The following MEGF6 variants were observed in gnomAD, a reference collection of about 807,000 sequenced individuals.
MEGF6 encodes the protein multiple epidermal growth factor-like domains protein 6.
In MEGF6, 184 loss-of-function variants were observed where a neutral mutation model predicts 207.1. The observed-to-expected ratio is 0.89, with a 90% CI of 0.79 to 1.00. The LOEUF (loss-of-function observed/expected upper bound fraction) is 1.00, where lower values mean the gene tolerates loss of function less well. MEGF6 is among the 50% of genes least tolerant of loss of function. The pLI, the probability that MEGF6 is intolerant of heterozygous loss-of-function variation, is 0.00. For synonymous variants in MEGF6, 1,038 were observed against 910.0 expected, an observed-to-expected ratio of 1.14 and a Z score of -2.53; for missense variants, 2,282 against 2,202.9, an observed-to-expected ratio of 1.04 and a Z score of -0.72.
intron 1 of MEGF6, among the ~76,000 whole-genome samples, chr1:3,603,467 A>C (rs982968566): frequency 6.6e-6 from 1 of 152,046 alleles, no homozygotes; most frequent in Non-Finnish European, 1.5e-5. Flanking sequence ...CTCGTGTCCC[A>C]CTACGTCAGG....
chr1:3,531,338 G>A (rs1230286356), intron 4 of MEGF6: 41 of 1,209,908 alleles, frequency 3.4e-5, no homozygotes, highest in Non-Finnish European at 4.1e-5. Flanking sequence ...GCTCGGGCTG[G>A]TTCTGGGTTC....
intron 5 of MEGF6, among the ~76,000 whole-genome samples, chr1:3,519,474 G>A (rs765913219): frequency 1.3e-5 from 2 of 152,240 alleles, no homozygotes; most frequent in African/African-American, 2.4e-5. Flanking sequence ...CGCCACACGC[G>A]CCTACTCGCT....
chr1:3,535,424 G>GAGGCTGCCCCTCTCCAGA (rs575545344), intron 4 of MEGF6, among the ~76,000 whole-genome samples: 2 of 152,102 alleles, frequency 1.3e-5, no homozygotes, highest in African/African-American at 2.4e-5. Flanking sequence ...AGGCAGCAGG[G>GAGGCTGCCCCTCTCCAGA]AGGCTGCCCC....
intron 10 of MEGF6, among the ~76,000 whole-genome samples, chr1:3,510,232 C>T (rs2821001): frequency 0.07 from 10,653 of 152,168 alleles, 549 homozygotes; most frequent in Admixed American, 0.13. Context: ...TGGGAGGGGC[C>T]GGCCAGGCAG....
chr1:3,578,685 A>G (rs1028419816), intron 4 of MEGF6, among the ~76,000 whole-genome samples: 1 of 150,710 alleles, frequency 6.6e-6, no homozygotes, highest in Non-Finnish European at 1.5e-5. Context: ...AGGACATTCA[A>G]TAAACCCTCC....
rs1233544619 is a variant in MEGF6, at chr1:3,502,170, G to A, written c.2189-249C>T. Reference sequence around the variant, plus strand: ...CACCTGGGGTCCCCAGAGTGGCCAGGCAGGTCACAGGAACAGGCAAGGGAG... The same window carrying A: ...CACCTGGGGTCCCCAGAGTGGCCAGACAGGTCACAGGAACAGGCAAGGGAG... On this transcript the variant is annotated intron_variant, in intron 17 of 36. Transcript: ENST00000356575. Among the ~76,000 whole-genome samples the A allele has an allele frequency of 5.5e-5, 4 of 72,614 alleles. No homozygotes were observed. The Admixed American group carries it at 6.4e-4, about 12-fold the overall frequency. 47.6% of individuals were successfully genotyped at this position (72,614 alleles called of 152,430 possible).
intron 4 of MEGF6, among the ~76,000 whole-genome samples, chr1:3,562,020 G>A (rs1643216678): frequency 6.6e-6 from 1 of 152,238 alleles, no homozygotes; most frequent in Non-Finnish European, 1.5e-5. Flanking sequence ...CGGTGCTGGT[G>A]GGAGGCCAGC....
rs1349759616 is a variant in MEGF6, at chr1:3,593,804, C to T, written c.376+1534G>A. Reference sequence around the variant, plus strand: ...CATCAGCAACAGTGGGGGCTGGGACCCCCTCCGAGGGGCGGCTGGCCAGCA... The same window carrying T: ...CATCAGCAACAGTGGGGGCTGGGACTCCCTCCGAGGGGCGGCTGGCCAGCA... On this transcript the variant is annotated intron_variant, in intron 3 of 36. Coordinates refer to ENST00000356575, the MANE Select transcript of MEGF6 (RefSeq NM_001409.4). Among the ~76,000 whole-genome samples the T allele has an allele frequency of 2.6e-5, 4 of 151,552 alleles. No homozygotes were observed. The East Asian group carries it at 5.8e-4, about 22-fold the overall frequency.
At chr1:3,533,579 G>A (rs1477255238) in intron 4 of MEGF6, among the ~76,000 whole-genome samples, 1 of 152,228 alleles carries the variant, frequency 6.6e-6, no homozygotes, top group Non-Finnish European at 1.5e-5. Flanking sequence ...GGCCAGGCTT[G>A]AGAGGGGTGC....
intron 16 of MEGF6, 26 bp downstream of exon 16, chr1:3,505,396 C>T (rs1557728315): frequency 1.4e-5 from 22 of 1,600,176 alleles, no homozygotes; most frequent in Admixed American, 3.5e-5. Flanking sequence ...GCGCCCCCCG[C>T]CCCCAGACCC....
In MEGF6 at chr1:3,512,135, G is replaced by C. The variant is rs768470732; in HGVS notation, c.854-7C>G. The stretch of plus-strand genomic sequence containing the variant: ...GCGGCACATTCGTCCACATCTGGAG[G>C]GGAGAGACCACAGGGAGGGCTCAGA... On this transcript the variant is annotated splice_polypyrimidine_tract_variant and splice_region_variant and intron_variant, in intron 7 of 36. Transcript: ENST00000356575. 1.9e-6 allele frequency: 3 copies of C among 1,598,324 alleles called. No individual in the cohort carries two copies. Among genetic ancestry groups the C allele is most frequent in the Non-Finnish European group, 1.7e-6 (2 of 1,169,504 alleles).
At chr1:3,577,345 C>T (rs545474206) in intron 4 of MEGF6, among the ~76,000 whole-genome samples, 2 of 152,368 alleles carry the variant, frequency 1.3e-5, no homozygotes, top group South Asian at 4.1e-4. Flanking sequence ...CAAATCTCAA[C>T]AGCTCCCCCG....
At chr1:3,506,057 C>A in intron 15 of MEGF6, 51 bp downstream of exon 15, 1 of 1,537,048 alleles carries the variant, frequency 6.5e-7, no homozygotes. Context: ...TGGACCATCC[C>A]TTCCACCCGC....
intron 17 of MEGF6, among the ~76,000 whole-genome samples, 170 bp from the exon 18 acceptor site, chr1:3,502,091 G>GAGTGTGCCCCCCC (rs1640924936): frequency 6.6e-4 from 1 of 1,508 alleles, no homozygotes. Flanking sequence ...GTGCCCCCCC[G>GAGTGTGCCCCCCC]CGCCTCCTCA....
chr1:3,567,277 G>T (rs1417148866), intron 4 of MEGF6, among the ~76,000 whole-genome samples: 1 of 152,252 alleles, frequency 6.6e-6, no homozygotes, highest in African/African-American at 2.4e-5. Context: ...CTTCCTACCC[G>T]CCAGGGCTCA....
chr1:3,512,058 C>A lies in MEGF6; in HGVS notation c.924G>T (p.Lys308Asn), dbSNP rs747500593. 83 of 1,612,676 alleles carry A rather than the reference C, an allele frequency of 5.1e-5. 1 individual carries two copies. In the Admixed American group the frequency reaches 1.4e-3, roughly 27 times the overall value. Residue 308 changes from lysine (K) to asparagine (N), a missense_variant, in exon 8 of 37, where the codon AAG (lysine) becomes AAT (asparagine). By Grantham distance (94) the Lys-to-Asn change is moderately conservative. Coordinates refer to ENST00000356575, the MANE Select transcript of MEGF6 (RefSeq NM_001409.4). ...GCTCATAGCCCGCGTGACACACGCA[C>A]TTGAAGGACCCCTGGGTGTTGAGGC... ...HGCLNTQGSF[K>N]CVCHAGYELG...
intron 1 of MEGF6, among the ~76,000 whole-genome samples, chr1:3,606,013 T>C (rs1214452667): frequency 6.6e-6 from 1 of 152,230 alleles, no homozygotes; most frequent in Admixed American, 6.5e-5. Flanking sequence ...TACTGACAGA[T>C]ACTCTGTCCC....
intron 4 of MEGF6, among the ~76,000 whole-genome samples, chr1:3,570,871 C>T (rs1389574224): frequency 1.3e-5 from 2 of 152,180 alleles, no homozygotes; most frequent in African/African-American, 4.8e-5. Context: ...CTCAGCCCTC[C>T]CTCCAGCCAT....
intron 4 of MEGF6, among the ~76,000 whole-genome samples, chr1:3,543,513 A>T (rs1477518848): frequency 6.6e-6 from 1 of 152,198 alleles, no homozygotes; most frequent in Non-Finnish European, 1.5e-5. Flanking sequence ...CCTCGGCCAC[A>T]CGGTGACTCG....
Sources: gnomAD v4.1 joint callset for allele counts (sites outside exome capture counted in the v4.1 genomes callset) on GRCh38, gnomAD v4.1.1 for gene constraint, MANE v1.5 for transcripts, NCBI Gene and HGNC (gene_info 2026-07-23, HGNC 2026-07-21) for gene names.